The following ANK3 variants were observed in gnomAD, a reference collection of about 807,000 sequenced individuals.
The protein encoded by ANK3 is ankyrin-3.
In ANK3, 57 loss-of-function variants were observed where a neutral mutation model predicts 370.9. That is an observed-to-expected ratio of 0.15 (90% CI 0.12 to 0.19). The LOEUF is 0.19. Ranked by LOEUF, ANK3 falls within the 10% of genes least tolerant of loss-of-function variation. ANK3 has a pLI of 1.00. For missense variants in ANK3, 4,439 were observed against 5,302.1 expected (o/e 0.84, Z 5.06); for synonymous variants, 1,929 against 1,946.3 (o/e 0.99, Z 0.23).
intron 1 of ANK3, among the ~76,000 whole-genome samples, chr10:60,313,269 T>C (rs1357889556): frequency 1.3e-5 from 2 of 152,118 alleles, no homozygotes; most frequent in East Asian, 3.8e-4. Context: ...TCAATCAAAG[T>C]TAAAGGAAGC....
intron 1 of ANK3, among the ~76,000 whole-genome samples, chr10:60,348,717 A>C (rs1487521214): frequency 6.6e-6 from 1 of 152,162 alleles, no homozygotes; most frequent in African/African-American, 2.4e-5. Context: ...ATGATACATT[A>C]TATTTCTATT....
At position 60,084,464 on chromosome 10, in the gene ANK3, T is replaced by A. The variant is rs529884235; in HGVS notation, c.4074+138A>T. The A allele has an allele frequency of 3.3e-4, 162 of 485,988 alleles. No homozygotes were observed. In the Middle Eastern group the frequency reaches 4.3e-3, roughly 13 times the overall value. 30.1% of individuals were successfully genotyped at this position (485,988 alleles called of 1,614,324 possible). ...AAAGATAAAAAAATTTGAGTATTAA[T>A]CTATATCAAATTTTTTAAAGTAAAA... On this transcript the variant is annotated intron_variant, in intron 32 of 43. Coordinates refer to ENST00000280772, the MANE Select transcript of ANK3 (RefSeq NM_020987.5).
intron 1 of ANK3, among the ~76,000 whole-genome samples, chr10:60,322,834 AT>A (rs1339420580): frequency 6.6e-6 from 1 of 152,122 alleles, no homozygotes; most frequent in African/African-American, 2.4e-5. Context: ...TTTGGGGTAT[AT>A]TTTAAAGGCA....
At chr10:60,184,075 G>A (rs2096266920) in intron 17 of ANK3, among the ~76,000 whole-genome samples, 1 of 152,034 alleles carries the variant, frequency 6.6e-6, no homozygotes, top group African/African-American at 2.4e-5. Context: ...TTCCTTAAAA[G>A]TACTGGGAAA....
At chr10:60,100,787 T>G (rs956471447) in intron 28 of ANK3, among the ~76,000 whole-genome samples, 13 of 152,302 alleles carry the variant, frequency 8.5e-5, no homozygotes, top group Admixed American at 7.8e-4. Flanking sequence ...CGTGTAATAC[T>G]TAGGTAGCAA....
At chr10:60,624,549 A>G (rs76235808) in intron 1 of ANK3, among the ~76,000 whole-genome samples, 2,800 of 152,260 alleles carry the variant, frequency 0.018, 82 homozygotes, top group African/African-American at 0.061. Flanking sequence ...TGAATATAAT[A>G]GCTTTCAGAG....
At chr10:60,275,830 G>T (rs1325836083) in intron 4 of ANK3, among the ~76,000 whole-genome samples, 1 of 152,160 alleles carries the variant, frequency 6.6e-6, no homozygotes, top group Non-Finnish European at 1.5e-5. Context: ...AATTCAGTTG[G>T]TATTTTATAT....
At chr10:60,125,675 G>A (rs1180313999) in intron 25 of ANK3, among the ~76,000 whole-genome samples, 2 of 152,310 alleles carry the variant, frequency 1.3e-5, no homozygotes, top group South Asian at 2.1e-4. Context: ...GCCGACGGGT[G>A]TGGGAGATGG....
At chr10:60,701,978 G>A (rs982852371) in intron 1 of ANK3, among the ~76,000 whole-genome samples, 1 of 152,112 alleles carries the variant, frequency 6.6e-6, no homozygotes, top group Admixed American at 6.5e-5. Context: ...CAAAAATTAG[G>A]CTGGGTGCAG....
At chr10:60,554,284 C>A (rs2077158747) in intron 2 of ANK3, among the ~76,000 whole-genome samples, 1 of 152,070 alleles carries the variant, frequency 6.6e-6, no homozygotes, top group Admixed American at 6.6e-5. Flanking sequence ...AAGTAGTCAA[C>A]CCATGAGACT....
At chr10:60,578,216 T>G (rs1404756110) in intron 2 of ANK3, among the ~76,000 whole-genome samples, 1 of 152,198 alleles carries the variant, frequency 6.6e-6, no homozygotes, top group East Asian at 1.9e-4. Context: ...AAAAGTATAT[T>G]AGTAAAATAG....
chr10:60,287,920 A>G (rs2040401743), intron 1 of ANK3, among the ~76,000 whole-genome samples: 1 of 152,184 alleles, frequency 6.6e-6, no homozygotes, highest in African/African-American at 2.4e-5. Context: ...GTTTTATACC[A>G]TATCTCATTT....
At chr10:60,541,524 C>T (rs750579269) in intron 2 of ANK3, among the ~76,000 whole-genome samples, 6 of 151,890 alleles carry the variant, frequency 4.0e-5, no homozygotes, top group Non-Finnish European at 7.4e-5. Context: ...GTGATTTTTA[C>T]ATCTTGTTCA....
At chr10:60,167,331 CTCTTA>C (rs2095649746) in intron 21 of ANK3, among the ~76,000 whole-genome samples, 1 of 152,068 alleles carries the variant, frequency 6.6e-6, no homozygotes, top group Admixed American at 6.5e-5. Flanking sequence ...TTGTGTTCTC[CTCTTA>C]TATGTACTTT....
At chr10:60,196,085 G>T in intron 16 of ANK3, 60 bp downstream of exon 16, 1 of 1,435,422 alleles carries the variant, frequency 7.0e-7, no homozygotes, top group Non-Finnish European at 9.7e-7. Context: ...AAGTAGATGT[G>T]CAGATAGAGA....
chr10:60,570,188 G>C (rs2077557842), intron 2 of ANK3, among the ~76,000 whole-genome samples: 1 of 152,034 alleles, frequency 6.6e-6, no homozygotes, highest in Non-Finnish European at 1.5e-5. Context: ...TAATTCAATG[G>C]GACATTTATT....
At chr10:60,363,331 G>C (rs1290531717) in intron 1 of ANK3, among the ~76,000 whole-genome samples, 1 of 152,110 alleles carries the variant, frequency 6.6e-6, no homozygotes, top group Non-Finnish European at 1.5e-5. Context: ...TGTTTTGTGG[G>C]GGAAAAAGAA....
chr10:60,422,789 C>T (rs1203640362), intron 2 of ANK3, among the ~76,000 whole-genome samples: 2 of 152,054 alleles, frequency 1.3e-5, no homozygotes, highest in African/African-American at 4.8e-5. Flanking sequence ...AAAAAACGTT[C>T]TCAGTCAAAA....
intron 2 of ANK3, among the ~76,000 whole-genome samples, chr10:60,603,493 C>A (rs1416972691): frequency 6.6e-6 from 1 of 152,014 alleles, no homozygotes; most frequent in Non-Finnish European, 1.5e-5. Flanking sequence ...AATATTATAT[C>A]CCTGAATTTC....
Sources: gnomAD v4.1 joint callset for allele counts (sites outside exome capture counted in the v4.1 genomes callset) on GRCh38, gnomAD v4.1.1 for gene constraint, MANE v1.5 for transcripts, NCBI Gene and HGNC (gene_info 2026-07-23, HGNC 2026-07-21) for gene names.